Variants in PPM1E observed in about 807,000 individuals in gnomAD.
The protein encoded by PPM1E is protein phosphatase 1E.
Under a neutral mutation model 65.9 loss-of-function variants are expected in PPM1E, and 20 were observed. The ratio of observed to expected loss-of-function variants is 0.30; its 90% confidence interval spans 0.21 to 0.44. The LOEUF (loss-of-function observed/expected upper bound fraction) is 0.44, where lower values mean the gene tolerates loss of function less well. Ranked by LOEUF, PPM1E falls within the 20% of genes least tolerant of loss-of-function variation. PPM1E has a pLI of 1.00. For synonymous variants in PPM1E, 352 were observed against 374.9 expected, an observed-to-expected ratio of 0.94 and a Z score of 0.70; for missense variants, 713 against 953.1, an observed-to-expected ratio of 0.75 and a Z score of 3.32.
rs35359689 is a variant in PPM1E at position 58,781,139 on chromosome 17, C to CTT, written c.464+24696_464+24697dup. ...AATATTTAAATAAAAGTGCAGATGT[C>CTT]TTTTTTTTTTTTTTTTTTTGAAACG... On this transcript the variant is annotated intron_variant, in intron 1 of 6. Coordinates refer to ENST00000308249, the MANE Select transcript of PPM1E (RefSeq NM_014906.5). Among the ~76,000 whole-genome samples, 4 of 123,102 alleles carry CTT rather than the reference C, an allele frequency of 3.2e-5. No homozygotes were observed. The East Asian group carries it at 6.7e-4, about 21-fold the overall frequency. The allele number at this position is 123,102 out of a possible 152,430, so 80.8% of individuals were successfully genotyped here.
intron 1 of PPM1E, among the ~76,000 whole-genome samples, chr17:58,857,665 G>C (rs540904547): frequency 1.3e-5 from 2 of 151,782 alleles, no homozygotes; most frequent in East Asian, 1.9e-4. Context: ...TTTCTTTTGC[G>C]GTCAGAAAAC....
chr17:58,975,214 C>G (rs1003959691), intron 6 of PPM1E, among the ~76,000 whole-genome samples: 3 of 152,202 alleles, frequency 2.0e-5, no homozygotes, highest in Non-Finnish European at 4.4e-5. Context: ...AAACCAAACA[C>G]CTATTTCTCC....
chr17:58,806,801 G>A (rs1442626765), intron 1 of PPM1E, among the ~76,000 whole-genome samples: 1 of 149,682 alleles, frequency 6.7e-6, no homozygotes, highest in African/African-American at 2.4e-5. Flanking sequence ...CTGGGTTCAA[G>A]CGATTCTCCT....
intron 1 of PPM1E, among the ~76,000 whole-genome samples, chr17:58,800,813 C>T (rs1473745482): frequency 6.6e-6 from 1 of 151,996 alleles, no homozygotes; most frequent in African/African-American, 2.4e-5. Flanking sequence ...TTTTTCTTGA[C>T]CTGTCTAGCT....
Position 58,817,837 on chromosome 17 carries a change from C to T in PPM1E, c.464+61376C>T, listed in dbSNP as rs553126390. ...CACGATCTCCGCTCACTGCAAGCTC[C>T]GCCTCCTGAGTTCACGCCATTCTCC... is the stretch of plus-strand genomic sequence containing the variant. On this transcript the variant is annotated intron_variant, in intron 1 of 6. Coordinates refer to ENST00000308249, the MANE Select transcript of PPM1E (RefSeq NM_014906.5). Among the ~76,000 whole-genome samples the T allele has an allele frequency of 4.6e-5, 7 of 152,104 alleles. No individual in the cohort carries two copies. The South Asian group carries it at 1.0e-3, about 23-fold the overall frequency.
Position 58,982,652 on chromosome 17 carries a change from G to A in PPM1E, c.*1621G>A. 1 of 472,054 alleles carries A rather than the reference G, an allele frequency of 2.1e-6. No homozygotes were observed. Among genetic ancestry groups the A allele is most frequent in the Non-Finnish European group, 3.8e-6 (1 of 264,714 alleles). The allele number at this position is 472,054 out of a possible 1,614,324, so 29.2% of individuals were successfully genotyped here. A position where few individuals can be genotyped will look rare whatever the true frequency, so the allele number is the denominator to read the frequency against. On this transcript the variant is annotated 3_prime_UTR_variant, in exon 7 of 7. Coordinates refer to ENST00000308249, the MANE Select transcript of PPM1E (RefSeq NM_014906.5). Reference sequence around the variant, plus strand: ...AACAGCTTCACTTTAGCAATGATCAGATTGTTAATCTACAGATTTTATTTT... The same window carrying A: ...AACAGCTTCACTTTAGCAATGATCAAATTGTTAATCTACAGATTTTATTTT...
intron 1 of PPM1E, among the ~76,000 whole-genome samples, chr17:58,818,355 A>T (rs1436666042): frequency 6.6e-6 from 1 of 152,208 alleles, no homozygotes. Context: ...GTAGATTTAT[A>T]TTTAATTCAG....
chr17:58,778,338 G>A (rs2050014247), intron 1 of PPM1E, among the ~76,000 whole-genome samples: 1 of 150,062 alleles, frequency 6.7e-6, no homozygotes, highest in South Asian at 2.1e-4. Context: ...GACCTCAGGT[G>A]ATCCACCTGC....
chr17:58,855,597 T>A (rs1348042211), intron 1 of PPM1E, among the ~76,000 whole-genome samples: 1 of 152,174 alleles, frequency 6.6e-6, no homozygotes, highest in Non-Finnish European at 1.5e-5. Context: ...GGAAGTATCA[T>A]AACTAGATAT....
intron 1 of PPM1E, among the ~76,000 whole-genome samples, chr17:58,858,567 T>C (rs1414021126): frequency 3.3e-5 from 5 of 152,182 alleles, no homozygotes. Context: ...ATATGCGGTG[T>C]TTAACTTTCT....
chr17:58,964,473 C>A (rs988917298), intron 2 of PPM1E, among the ~76,000 whole-genome samples: 2 of 152,044 alleles, frequency 1.3e-5, no homozygotes, highest in Non-Finnish European at 2.9e-5. Context: ...GAAGTCAGCT[C>A]GCCAATTCTA....
intron 1 of PPM1E, among the ~76,000 whole-genome samples, chr17:58,862,052 T>G (rs1165296134): frequency 6.6e-6 from 1 of 152,232 alleles, no homozygotes; most frequent in Non-Finnish European, 1.5e-5. Context: ...TTTACTCAAT[T>G]ACAGTTTTTA....
At chr17:58,757,335 A>G (rs935692464) in intron 1 of PPM1E, among the ~76,000 whole-genome samples, 1 of 152,242 alleles carries the variant, frequency 6.6e-6, no homozygotes, top group Non-Finnish European at 1.5e-5. Flanking sequence ...ATGAAAGTCT[A>G]AAATAGAAAG....
intron 1 of PPM1E, among the ~76,000 whole-genome samples, chr17:58,885,118 G>A (rs182951244): frequency 3.2e-4 from 49 of 152,216 alleles, no homozygotes; most frequent in East Asian, 2.9e-3. Flanking sequence ...GTGCAGTGGC[G>A]TGATCTCGGC....
At chr17:58,760,410 A>ATCCCTGACTTCTCCTT (rs1450188586) in intron 1 of PPM1E, among the ~76,000 whole-genome samples, 2 of 152,180 alleles carry the variant, frequency 1.3e-5, no homozygotes, top group Non-Finnish European at 2.9e-5. Context: ...TGGTGGGTCC[A>ATCCCTGACTTCTCCTT]TCCCTGACTT....
At chr17:58,977,868 G>A (rs928173327) in intron 6 of PPM1E, among the ~76,000 whole-genome samples, 8 of 152,246 alleles carry the variant, frequency 5.3e-5, no homozygotes, top group African/African-American at 1.9e-4. Context: ...TCAGCCTCTT[G>A]AGTAGCTGGG....
At chr17:58,857,961 A>G (rs900115685) in intron 1 of PPM1E, among the ~76,000 whole-genome samples, 1 of 152,090 alleles carries the variant, frequency 6.6e-6, no homozygotes, top group Non-Finnish European at 1.5e-5. Context: ...AATATTTTGA[A>G]AGTTTTTTCA....
intron 2 of PPM1E, among the ~76,000 whole-genome samples, chr17:58,963,963 A>G (rs1423890456): frequency 6.6e-6 from 1 of 152,194 alleles, no homozygotes; most frequent in African/African-American, 2.4e-5. Flanking sequence ...GTTAATGAGG[A>G]AAAAAAGGAC....
intron 1 of PPM1E, among the ~76,000 whole-genome samples, chr17:58,806,698 C>CTTTTT (rs57960498): frequency 2.2e-5 from 3 of 135,016 alleles, no homozygotes; most frequent in Non-Finnish European, 3.2e-5. Flanking sequence ...GTTTTGTTTT[C>CTTTTT]TTTTTTTTTT....
Sources: gnomAD v4.1 joint callset for allele counts (sites outside exome capture counted in the v4.1 genomes callset) on GRCh38, gnomAD v4.1.1 for gene constraint, MANE v1.5 for transcripts, NCBI Gene and HGNC (gene_info 2026-07-23, HGNC 2026-07-21) for gene names.